DOCK2: variants seen among roughly 807,000 people sequenced by gnomAD.
DOCK2 encodes dedicator of cytokinesis protein 2.
In DOCK2, 87 loss-of-function variants were observed where a neutral mutation model predicts 248.9. The observed-to-expected ratio is 0.35, with a 90% CI of 0.29 to 0.42. The LOEUF is 0.42. Ranked by LOEUF, DOCK2 falls within the 10% of genes least tolerant of loss-of-function variation. DOCK2 has a pLI of 1.00. For synonymous variants in DOCK2, 805 were observed against 821.6 expected, an observed-to-expected ratio of 0.98 and a Z score of 0.35; for missense variants, 1,747 against 2,300.2, an observed-to-expected ratio of 0.76 and a Z score of 4.92.
chr5:169,790,796 A>T (rs1409316808), intron 25 of DOCK2, among the ~76,000 whole-genome samples: 1 of 152,128 alleles, frequency 6.6e-6, no homozygotes, highest in Non-Finnish European at 1.5e-5. Context: ...CCATTTTTGG[A>T]GGGAGAGAAG....
chr5:169,753,921 C>G (rs1764048601), intron 23 of DOCK2, among the ~76,000 whole-genome samples: 1 of 152,180 alleles, frequency 6.6e-6, no homozygotes, highest in Non-Finnish European at 1.5e-5. Flanking sequence ...CCTTGATCAT[C>G]CACTGCTTGG....
intron 22 of DOCK2, among the ~76,000 whole-genome samples, chr5:169,720,364 T>C (rs1208347561): frequency 5.3e-5 from 8 of 152,222 alleles, no homozygotes; most frequent in Non-Finnish European, 7.3e-5. Context: ...ATGTCTTTTC[T>C]ACTTCTCAGA....
At chr5:169,881,336 C>T (rs755678731) in intron 27 of DOCK2, 25 of 1,540,232 alleles carry the variant, frequency 1.6e-5, no homozygotes, top group Non-Finnish European at 2.1e-5. Context: ...GCTTTATGGT[C>T]TACAGAGCAG....
intron 27 of DOCK2, among the ~76,000 whole-genome samples, chr5:169,978,049 GC>G (rs1330294886): frequency 3.9e-5 from 6 of 152,082 alleles, no homozygotes. Context: ...GCCTCCCTCG[GC>G]AAACTTTCCT....
chr5:169,787,281 G>C (rs1316273018), intron 25 of DOCK2, among the ~76,000 whole-genome samples: 1 of 152,142 alleles, frequency 6.6e-6, no homozygotes, highest in Non-Finnish European at 1.5e-5. Flanking sequence ...CTTCTTCATA[G>C]TCCAGTTTAT....
At chr5:169,749,545 C>T (rs777582467) in intron 23 of DOCK2, among the ~76,000 whole-genome samples, 3 of 152,096 alleles carry the variant, frequency 2.0e-5, no homozygotes, top group Non-Finnish European at 4.4e-5. Context: ...ACTAGGGATA[C>T]GTCTTAAGGT....
At chr5:169,705,831 G>A (rs1472640997) in intron 14 of DOCK2, among the ~76,000 whole-genome samples, 2 of 152,182 alleles carry the variant, frequency 1.3e-5, no homozygotes, top group Non-Finnish European at 2.9e-5. Context: ...TCTTCCTGCA[G>A]AGATGTTTCT....
chr5:170,019,098 A>G lies in DOCK2; in HGVS notation c.3371A>G (p.Asp1124Gly), dbSNP rs1261156670. The G allele has an allele frequency of 4.3e-6, 7 of 1,614,036 alleles. No homozygotes were observed. Among genetic ancestry groups the G allele is most frequent in the Non-Finnish European group, 5.9e-6 (7 of 1,179,930 alleles). The change falls in exon 33 of 52, where the codon GAT becomes GGT. Residue 1124 changes from aspartate to glycine, a missense_variant. Transcript: ENST00000520908. ...MMLCEYQRSG[D>G]FKKFENEIIL... ...CTGTGTGAATATCAAAGAAGTGGGG[A>G]TTTCAAAAAGGTAAAAAATGAGGCC...
At chr5:169,947,254 TC>T (rs1368854423) in intron 27 of DOCK2, among the ~76,000 whole-genome samples, 2 of 152,174 alleles carry the variant, frequency 1.3e-5, no homozygotes, top group African/African-American at 4.8e-5. Flanking sequence ...CACTGCAAAC[TC>T]ACTTGAATGT....
At chr5:169,766,838 G>C (rs1437195285) in intron 25 of DOCK2, among the ~76,000 whole-genome samples, 2 of 152,296 alleles carry the variant, frequency 1.3e-5, no homozygotes, top group East Asian at 3.9e-4. Flanking sequence ...TGCGGTCTCA[G>C]CTCACTGAAA....
chr5:170,041,653 C>A (rs1324226419), intron 37 of DOCK2, among the ~76,000 whole-genome samples: 1 of 152,240 alleles, frequency 6.6e-6, no homozygotes, highest in Admixed American at 6.5e-5. Flanking sequence ...CTGACTGACA[C>A]TGGCACCCAG....
At chr5:169,920,600 G>A (rs1050425978) in intron 27 of DOCK2, among the ~76,000 whole-genome samples, 23 of 152,208 alleles carry the variant, frequency 1.5e-4, no homozygotes, top group African/African-American at 5.3e-4. Context: ...AAGAGGGCAT[G>A]GCTGTAACTC....
At chr5:169,941,192 T>C (rs1738990471) in intron 27 of DOCK2, among the ~76,000 whole-genome samples, 1 of 152,166 alleles carries the variant, frequency 6.6e-6, no homozygotes, top group Non-Finnish European at 1.5e-5. Context: ...AGGTGCTTTT[T>C]AAATTTATTT....
At chr5:169,808,255 C>T (rs910179687) in intron 26 of DOCK2, among the ~76,000 whole-genome samples, 1 of 152,102 alleles carries the variant, frequency 6.6e-6, no homozygotes, top group African/African-American at 2.4e-5. Context: ...GGTAGAACCA[C>T]GTGTGGAAAT....
At chr5:169,804,639 C>T (rs1450839305) in intron 26 of DOCK2, among the ~76,000 whole-genome samples, 1 of 152,178 alleles carries the variant, frequency 6.6e-6, no homozygotes, top group African/African-American at 2.4e-5. Flanking sequence ...ATTCTCTCTG[C>T]TCACCCTGAT....
intron 27 of DOCK2, among the ~76,000 whole-genome samples, chr5:169,856,433 A>T (rs1389890613): frequency 1.3e-5 from 2 of 152,162 alleles, no homozygotes; most frequent in Non-Finnish European, 2.9e-5. Flanking sequence ...ACTGAGGTTC[A>T]TCTGAGATTT....
At chr5:169,850,988 A>T (rs146576209) in intron 27 of DOCK2, among the ~76,000 whole-genome samples, 3 of 152,198 alleles carry the variant, frequency 2.0e-5, no homozygotes, top group African/African-American at 7.2e-5. Context: ...TCCTTGTTTC[A>T]GTTACAACAT....
intron 32 of DOCK2, among the ~76,000 whole-genome samples, chr5:170,017,111 C>A (rs1312435712): frequency 6.6e-6 from 1 of 152,136 alleles, no homozygotes; most frequent in East Asian, 1.9e-4. Context: ...TCCTGGGCAA[C>A]TACTCCAACA....
At chr5:169,877,646 T>C (rs981600801) in intron 27 of DOCK2, among the ~76,000 whole-genome samples, 1 of 151,964 alleles carries the variant, frequency 6.6e-6, no homozygotes, top group Admixed American at 6.5e-5. Context: ...ATGTAGTTGC[T>C]TGAAAATTTT....
Sources: gnomAD v4.1 joint callset for allele counts (sites outside exome capture counted in the v4.1 genomes callset) on GRCh38, gnomAD v4.1.1 for gene constraint, MANE v1.5 for transcripts, NCBI Gene and HGNC (gene_info 2026-07-23, HGNC 2026-07-21) for gene names.